Variants in CNTN6 observed in about 807,000 individuals in gnomAD.
The protein encoded by CNTN6 is contactin 6, also known as contactin-6.
In CNTN6, 137 loss-of-function variants were observed where a neutral mutation model predicts 122.8. That is an observed-to-expected ratio of 1.12 (90% confidence interval 0.97 to 1.29). The LOEUF (loss-of-function observed/expected upper bound fraction) is 1.29, where lower values mean the gene tolerates loss of function less well. Ranked by LOEUF, CNTN6 falls within the 50% of genes most tolerant of loss-of-function variation. The probability of loss-of-function intolerance (pLI) is 0.00; values close to 1 mark genes in which losing one functional copy is unlikely to be tolerated. For synonymous variants in CNTN6, 570 were observed against 426.0 expected, an observed-to-expected ratio of 1.34 and a Z score of -4.16; for missense variants, 1,634 against 1,223.4, an observed-to-expected ratio of 1.34 and a Z score of -5.01.
intron 7 of CNTN6, among the ~76,000 whole-genome samples, chr3:1,320,977 C>A (rs551003573): frequency 6.6e-6 from 1 of 151,468 alleles, no homozygotes; most frequent in Non-Finnish European, 1.5e-5. Flanking sequence ...GGACAGGCTG[C>A]GGTGTAAATC....
intron 2 of CNTN6, among the ~76,000 whole-genome samples, chr3:1,191,284 G>A (rs59160568): frequency 6.6e-6 from 1 of 152,142 alleles, no homozygotes; most frequent in Admixed American, 6.5e-5. Flanking sequence ...GATAGCTTCA[G>A]AATGGGAGCT....
intron 2 of CNTN6, among the ~76,000 whole-genome samples, chr3:1,200,408 A>G (rs1201214387): frequency 6.6e-6 from 1 of 152,156 alleles, no homozygotes; most frequent in Non-Finnish European, 1.5e-5. Flanking sequence ...CTCACTGTGT[A>G]GTTGAATCTT....
At chr3:1,285,804 A>T (rs1196626600) in intron 5 of CNTN6, among the ~76,000 whole-genome samples, 1 of 152,158 alleles carries the variant, frequency 6.6e-6, no homozygotes, top group Non-Finnish European at 1.5e-5. Context: ...TCCAGAAGAG[A>T]CACTTAAAAG....
chr3:1,175,238 A>T (rs2125313885), intron 2 of CNTN6, among the ~76,000 whole-genome samples: 1 of 151,932 alleles, frequency 6.6e-6, no homozygotes, highest in Admixed American at 6.6e-5. Flanking sequence ...AAAAAAAAAA[A>T]AAAAAAGACA....
In CNTN6 at chr3:1,387,994, C is replaced by G. The variant is rs540951544; in HGVS notation, c.2704+2197C>G. On this transcript the variant is annotated intron_variant, in intron 20 of 22. Transcript: ENST00000446702. Reference sequence around the variant, plus strand: ...GCAGCGAGGCTGGGGGAGGGGCGCCCGCCATTGGCCAGGCTTGATTAGGTA... The same window carrying G: ...GCAGCGAGGCTGGGGGAGGGGCGCCGGCCATTGGCCAGGCTTGATTAGGTA... 3.5e-3 allele frequency among the ~76,000 whole-genome samples: 531 copies of G among 152,248 alleles called. 3 individuals are homozygous for G. The highest frequency in any genetic ancestry group is 0.012 in the African/African-American group (518 of 41,538).
At chr3:1,352,076 C>A (rs550761135) in intron 11 of CNTN6, among the ~76,000 whole-genome samples, 1 of 151,682 alleles carries the variant, frequency 6.6e-6, no homozygotes, top group Non-Finnish European at 1.5e-5. Context: ...GCTTTGAAAT[C>A]GACAATGATA....
chr3:1,359,810 T>C (rs1160013813), intron 12 of CNTN6, among the ~76,000 whole-genome samples: 1 of 152,110 alleles, frequency 6.6e-6, no homozygotes. Context: ...CCGATTTCCT[T>C]GTTCGTTTGC....
rs1696053096 is a variant in CNTN6 at position 1,404,175 on chromosome 3, G to C, written c.*757G>C. The C allele has an allele frequency of 6.6e-6, 1 of 152,130 alleles. No homozygotes were observed. Among genetic ancestry groups the C allele is most frequent in the Non-Finnish European group, 1.5e-5 (1 of 68,038 alleles). The allele number at this position is 152,130 out of a possible 1,614,324, so 9.4% of individuals were successfully genotyped here. On this transcript the variant is annotated 3_prime_UTR_variant, in exon 23 of 23. Coordinates refer to ENST00000446702, the MANE Select transcript of CNTN6 (RefSeq NM_001289080.2). ...GTAATTATGACAAGTTGATTGCAAT[G>C]TATGTGGCCTTATTTTTATAATAAA... is the stretch of plus-strand genomic sequence containing the variant.
chr3:1,363,349 G>A (rs1386723893), intron 12 of CNTN6, among the ~76,000 whole-genome samples: 1 of 151,834 alleles, frequency 6.6e-6, no homozygotes, highest in East Asian at 1.9e-4. Context: ...ATTGTGCTGT[G>A]CATTCTATCT....
At chr3:1,271,422 C>T (rs540748413) in intron 4 of CNTN6, among the ~76,000 whole-genome samples, 134 of 152,180 alleles carry the variant, frequency 8.8e-4, no homozygotes, top group African/African-American at 3.0e-3. Flanking sequence ...GCCATATACC[C>T]AATATTTCAT....
At chr3:1,179,166 T>G (rs2093508787) in intron 2 of CNTN6, among the ~76,000 whole-genome samples, 1 of 151,962 alleles carries the variant, frequency 6.6e-6, no homozygotes, top group Admixed American at 6.6e-5. Flanking sequence ...AACCAAATCT[T>G]GCATAAACTC....
At chr3:1,385,919 G>T (rs992340028) in intron 20 of CNTN6, 122 bp downstream of exon 20, 1 of 939,228 alleles carries the variant, frequency 1.1e-6, no homozygotes, top group Non-Finnish European at 1.6e-6. Flanking sequence ...TGGTTAGTTG[G>T]TTTGTCCCTT....
chr3:1,400,380 A>G (rs1168764470), intron 20 of CNTN6, among the ~76,000 whole-genome samples: 2 of 152,008 alleles, frequency 1.3e-5, no homozygotes, highest in African/African-American at 4.8e-5. Flanking sequence ...CCCAACCTGG[A>G]TTCTCGTTTT....
chr3:1,302,434 C>G (rs1697589081), intron 7 of CNTN6, among the ~76,000 whole-genome samples: 1 of 151,770 alleles, frequency 6.6e-6, no homozygotes, highest in African/African-American at 2.4e-5. Context: ...GCTATTTAAG[C>G]TATAGACTAC....
intron 1 of CNTN6, among the ~76,000 whole-genome samples, chr3:1,112,390 C>T (rs1226617584): frequency 6.6e-6 from 1 of 152,124 alleles, no homozygotes; most frequent in Non-Finnish European, 1.5e-5. Flanking sequence ...TAGCCTGGCT[C>T]AGTCTAAGTT....
chr3:1,354,131 C>T (rs1255912272), intron 12 of CNTN6, among the ~76,000 whole-genome samples: 2 of 151,350 alleles, frequency 1.3e-5, no homozygotes, highest in Non-Finnish European at 3.0e-5. Context: ...TAAAAGGTGA[C>T]GGCTAACAAA....
At chr3:1,162,517 A>T (rs998576448) in intron 2 of CNTN6, among the ~76,000 whole-genome samples, 2 of 152,112 alleles carry the variant, frequency 1.3e-5, no homozygotes, top group African/African-American at 2.4e-5. Flanking sequence ...TTAATTGCCA[A>T]TTGTCTTTTC....
chr3:1,381,394 G>A (rs1485203507), intron 17 of CNTN6, among the ~76,000 whole-genome samples: 1 of 152,142 alleles, frequency 6.6e-6, no homozygotes, highest in Non-Finnish European at 1.5e-5. Flanking sequence ...TTGTTAGACT[G>A]TTCCACATGG....
At chr3:1,239,018 A>G (rs1010712774) in intron 4 of CNTN6, among the ~76,000 whole-genome samples, 2 of 152,178 alleles carry the variant, frequency 1.3e-5, no homozygotes, top group Admixed American at 6.5e-5. Context: ...ACACCTTCAC[A>G]TGCATAAACT....
Sources: gnomAD v4.1 joint callset for allele counts (sites outside exome capture counted in the v4.1 genomes callset) on GRCh38, gnomAD v4.1.1 for gene constraint, MANE v1.5 for transcripts, NCBI Gene and HGNC (gene_info 2026-07-23, HGNC 2026-07-21) for gene names.